TRIM9: variants seen among roughly 807,000 people sequenced by gnomAD.
TRIM9 encodes the protein E3 ubiquitin-protein ligase TRIM9.
A neutral mutation model predicts 78.3 loss-of-function variants in TRIM9; 26 were observed. That is an observed-to-expected ratio of 0.33 (90% CI 0.24 to 0.46). TRIM9 has a LOEUF of 0.46. Ranked by LOEUF, TRIM9 falls within the 20% of genes least tolerant of loss-of-function variation. The pLI is 1.00. For missense variants in TRIM9, 787 were observed against 1,036.4 expected, an observed-to-expected ratio of 0.76 and a Z score of 3.30; for synonymous variants, 398 against 416.5, an observed-to-expected ratio of 0.96 and a Z score of 0.54.
At chr14:51,083,746 T>C (rs1168808845) in intron 1 of TRIM9, among the ~76,000 whole-genome samples, 1 of 152,158 alleles carries the variant, frequency 6.6e-6, no homozygotes, top group Non-Finnish European at 1.5e-5. Flanking sequence ...GCCAGCGAGC[T>C]TTAGGGTTCA....
chr14:51,011,144 T>C (rs2056524739), intron 3 of TRIM9, among the ~76,000 whole-genome samples: 2 of 152,214 alleles, frequency 1.3e-5, no homozygotes, highest in Admixed American at 6.5e-5. Context: ...CTGAAACCAC[T>C]GCCTCATTTG....
At chr14:51,089,424 T>C (rs755393831) in intron 1 of TRIM9, 1 of 152,240 alleles carries the variant, frequency 6.6e-6, no homozygotes, top group Non-Finnish European at 1.5e-5. Context: ...AAATGTTCCC[T>C]GTACATTATT....
intron 8 of TRIM9, 122 bp from the exon 9 acceptor site, chr14:50,983,543 A>T: frequency 1.7e-6 from 1 of 584,412 alleles, no homozygotes. Flanking sequence ...ATGAAAAAAC[A>T]AAGCCCTTTT....
At chr14:50,998,265 G>GT in intron 6 of TRIM9, 77 bp from the exon 7 acceptor site, 2 of 1,420,156 alleles carry the variant, frequency 1.4e-6, no homozygotes, top group South Asian at 2.5e-5. Flanking sequence ...TCGCTCAGTG[G>GT]TTAGGAGCAA....
Position 50,979,143 on chromosome 14 carries a change from A to G in TRIM9, c.2325+244T>C, listed in dbSNP as rs56981237. ...AGAGATGATCATTAGCCAACCATGA[A>G]GAGAATTCTAGTTTCCTATGTGCTA... On this transcript the variant is annotated intron_variant, in intron 12 of 12. Coordinates refer to ENST00000684578, the MANE Select transcript of TRIM9 (RefSeq NM_001387360.1). 2.4e-3 allele frequency: 3,315 copies of G among 1,405,768 alleles called. 53 individuals carry two copies. The African/African-American group carries it at 0.036, about 15-fold the overall frequency. 87.1% of individuals were successfully genotyped at this position (1,405,768 alleles called of 1,614,324 possible).
At chr14:51,092,110 C>A (rs1281705964) in intron 1 of TRIM9, among the ~76,000 whole-genome samples, 1 of 152,078 alleles carries the variant, frequency 6.6e-6, no homozygotes, top group Non-Finnish European at 1.5e-5. Flanking sequence ...TCAACATGGA[C>A]TATAATTAGC....
intron 1 of TRIM9, among the ~76,000 whole-genome samples, chr14:51,072,198 C>CT (rs897533397): frequency 1.3e-4 from 20 of 152,064 alleles, no homozygotes; most frequent in East Asian, 7.7e-4. Context: ...AAATGTATTT[C>CT]TTTTTTTTCA....
In TRIM9 at chr14:50,981,826, G is replaced by A. The variant is rs2051959628; in HGVS notation, c.2136C>T (p.Phe712=). Reference sequence around the variant, plus strand: ...TGTTGGTGTGCGAGTTGTTGTGCATGAACCAGCTCCGGTTATTGTCCACAT... The same window carrying A: ...TGTTGGTGTGCGAGTTGTTGTGCATAAACCAGCTCCGGTTATTGTCCACAT... ...AMYVDNNRSW[F]MHNNSHTNRT... The change falls in exon 11 of 13, where the codon TTC becomes TTT. Residue 712 remains phenylalanine, a synonymous_variant. Coordinates refer to ENST00000684578, the MANE Select transcript of TRIM9 (RefSeq NM_001387360.1). The A allele has an allele frequency of 1.2e-6, 2 of 1,614,080 alleles. No individual in the cohort carries two copies. The highest frequency in any genetic ancestry group is 1.1e-5 in the South Asian group (1 of 91,086).
Position 51,009,332 on chromosome 14 carries a change from C to T in TRIM9, c.1153-99G>A, listed in dbSNP as rs187262617. On this transcript the variant is annotated intron_variant, in intron 4 of 12. Coordinates refer to ENST00000684578, the MANE Select transcript of TRIM9 (RefSeq NM_001387360.1). The stretch of plus-strand genomic sequence containing the variant: ...TCCAGGAGCATTACTCCCAAACTGC[C>T]TTGAGGACTCATACTCTGACTGCCT... The T allele has an allele frequency of 2.3e-4, 334 of 1,453,652 alleles. 2 individuals carry two copies. In the East Asian group the frequency reaches 7.3e-3, roughly 32 times the overall value. The allele number at this position is 1,453,652 out of a possible 1,614,324, so 90.0% of individuals were successfully genotyped here. A position where few individuals can be genotyped will look rare whatever the true frequency, so the allele number is the denominator to read the frequency against.
At chr14:51,052,042 A>AAGAAG (rs36204061) in intron 1 of TRIM9, among the ~76,000 whole-genome samples, 8 of 149,716 alleles carry the variant, frequency 5.3e-5, no homozygotes, top group Admixed American at 1.3e-4. Flanking sequence ...GGGGAGGGAA[A>AAGAAG]AGAAGAGAAG....
intron 9 of TRIM9, 42 bp from the exon 10 acceptor site, chr14:50,983,007 G>A (rs1342869310): frequency 1.3e-6 from 2 of 1,542,160 alleles, no homozygotes; most frequent in Non-Finnish European, 1.8e-6. Flanking sequence ...AGAGAGATAG[G>A]AAGCAAAATT....
At chr14:50,983,534 T>C (rs968100351) in intron 8 of TRIM9, 113 bp from the exon 9 acceptor site, 7 of 657,796 alleles carry the variant, frequency 1.1e-5, no homozygotes, top group Non-Finnish European at 1.4e-5. Context: ...GCCTGATCCA[T>C]GAAAAAACAA....
Position 50,975,853 on chromosome 14 carries a change from T to G in TRIM9, c.*1438A>C, listed in dbSNP as rs1320441586. ...TTCAAGGGTAACCTATGTAAGTCTATCTCTATATAGAAGTAAGATGCATTA... is the reference window on the plus strand; with the variant it reads ...TTCAAGGGTAACCTATGTAAGTCTAGCTCTATATAGAAGTAAGATGCATTA... On this transcript the variant is annotated 3_prime_UTR_variant, in exon 13 of 13. Coordinates refer to ENST00000684578, the MANE Select transcript of TRIM9 (RefSeq NM_001387360.1). 2.0e-5 allele frequency: 3 copies of G among 152,668 alleles called. No individual in the cohort carries two copies. Among genetic ancestry groups the G allele is most frequent in the Non-Finnish European group, 4.4e-5 (3 of 68,036 alleles). 9.5% of individuals were successfully genotyped at this position (152,668 alleles called of 1,614,324 possible).
At chr14:50,996,261 G>T (rs1489181746) in intron 7 of TRIM9, 1 of 985,268 alleles carries the variant, frequency 1.0e-6, no homozygotes, top group Non-Finnish European at 1.2e-6. Flanking sequence ...AAGAGAACTT[G>T]TTCCGTTTGT....
At chr14:51,087,658 A>G (rs2063891273) in intron 1 of TRIM9, among the ~76,000 whole-genome samples, 1 of 152,224 alleles carries the variant, frequency 6.6e-6, no homozygotes, top group South Asian at 2.1e-4. Context: ...AAGGTTAAAA[A>G]TTGACCCAAA....
chr14:51,087,923 G>A (rs989481555), intron 1 of TRIM9, among the ~76,000 whole-genome samples: 11 of 152,040 alleles, frequency 7.2e-5, no homozygotes, highest in African/African-American at 2.7e-4. Flanking sequence ...TGAAGTGGTG[G>A]TTTTTAAAAT....
At position 51,094,625 on chromosome 14, in the gene TRIM9, A is replaced by T; in HGVS notation, c.315T>A (p.Ala105=). 1.2e-6 allele frequency: 2 copies of T among 1,607,966 alleles called. No homozygotes were observed. ...SPNGVRVFPP[A]MPPPATHLSP... ...ACAAGTGGGTGGCCGGTGGCGGCATAGCCGGGGGAAACACGCGGACGCCGT... is the reference window on the plus strand; with the variant it reads ...ACAAGTGGGTGGCCGGTGGCGGCATTGCCGGGGGAAACACGCGGACGCCGT... Residue 105 remains alanine, a synonymous_variant, in exon 1 of 13, where the codon GCT becomes GCA. Transcript: ENST00000684578.
chr14:51,032,198 A>G (rs2058789061), intron 1 of TRIM9, among the ~76,000 whole-genome samples: 1 of 152,254 alleles, frequency 6.6e-6, no homozygotes. Context: ...ATTGGGCCAG[A>G]CAGAGCAATG....
At chr14:51,010,546 G>A (rs2056440779) in intron 3 of TRIM9, 52 bp from the exon 4 acceptor site, 14 of 1,382,210 alleles carry the variant, frequency 1.0e-5, no homozygotes, top group Non-Finnish European at 1.1e-5. Context: ...GAGGGTAGAA[G>A]AGAAGCAAAC....
Sources: gnomAD v4.1 joint callset for allele counts (sites outside exome capture counted in the v4.1 genomes callset) on GRCh38, gnomAD v4.1.1 for gene constraint, MANE v1.5 for transcripts, NCBI Gene and HGNC (gene_info 2026-07-23, HGNC 2026-07-21) for gene names.